ACYP2: variants seen among roughly 807,000 people sequenced by gnomAD.
The protein encoded by ACYP2 is acylphosphatase 2.
Under a neutral mutation model 11.2 loss-of-function variants are expected in ACYP2, and 12 were observed. The observed-to-expected ratio is 1.08, with a 90% CI of 0.69 to 1.74. The LOEUF (loss-of-function observed/expected upper bound fraction) is 1.74, where lower values mean the gene tolerates loss of function less well. Ranked by LOEUF, ACYP2 falls within the 40% of genes most tolerant of loss-of-function variation. ACYP2 has a pLI of 0.00. For synonymous variants in ACYP2, 43 were observed against 32.2 expected (o/e 1.33, Z -1.13); for missense variants, 134 against 101.9 (o/e 1.31, Z -1.35).
chr2:54,171,366 G>C (rs1474250855), intron 6 of ACYP2, among the ~76,000 whole-genome samples: 1 of 152,138 alleles, frequency 6.6e-6, no homozygotes, highest in Non-Finnish European at 1.5e-5. Context: ...GGGGCGAGCT[G>C]TTACCCATCC....
intron 2 of ACYP2, among the ~76,000 whole-genome samples, chr2:54,027,438 A>C (rs959387533): frequency 1.3e-5 from 2 of 152,138 alleles, no homozygotes; most frequent in Non-Finnish European, 2.9e-5. Context: ...AAACGAGCCT[A>C]ATTCCTCCCA....
chr2:54,045,281 T>G (rs926953253), intron 2 of ACYP2, among the ~76,000 whole-genome samples: 3 of 152,136 alleles, frequency 2.0e-5, no homozygotes, highest in Admixed American at 6.5e-5. Context: ...CAGCCTACAA[T>G]TCCTTGGGGA....
In ACYP2 at chr2:54,299,894, C is replaced by G. The variant is rs541942185; in HGVS notation, c.405-4794C>G. ...GTTTGCAGGTCCCTGGCCATCTAGA[C>G]TAACTTTAAGGGTCCTCAATGCTCT... On this transcript the variant is annotated intron_variant, in intron 6 of 6. Transcript: ENST00000607452. Among the ~76,000 whole-genome samples the G allele has an allele frequency of 2.0e-5, 3 of 152,342 alleles. No homozygotes were observed. The South Asian group carries it at 6.2e-4, about 32-fold the overall frequency.
intron 4 of ACYP2, among the ~76,000 whole-genome samples, chr2:54,131,011 A>C (rs1680869008): frequency 2.0e-5 from 3 of 152,262 alleles, no homozygotes; most frequent in Admixed American, 1.3e-4. Context: ...CCATTATTTT[A>C]ATTGCCATAT....
chr2:54,003,498 G>A (rs544636886), intron 2 of ACYP2, among the ~76,000 whole-genome samples: 52 of 152,238 alleles, frequency 3.4e-4, no homozygotes, highest in African/African-American at 1.2e-3. Flanking sequence ...GACCTCCAGT[G>A]ATCCGCCCAC....
At chr2:54,255,176 T>G in intron 6 of ACYP2, 1 of 1,613,858 alleles carries the variant, frequency 6.2e-7, no homozygotes, top group Non-Finnish European at 8.5e-7. Context: ...ATGATTAGAG[T>G]GGAAAAAGAC....
intron 2 of ACYP2, among the ~76,000 whole-genome samples, chr2:54,011,735 G>A (rs1268961115): frequency 1.5e-5 from 1 of 68,956 alleles, no homozygotes; most frequent in Admixed American, 1.3e-4. Context: ...CTTTTTTGGT[G>A]TATTTTTTTT....
chr2:54,147,339 A>T (rs555257858), intron 6 of ACYP2, among the ~76,000 whole-genome samples: 1 of 152,056 alleles, frequency 6.6e-6, no homozygotes, highest in Non-Finnish European at 1.5e-5. Flanking sequence ...GGGAACTGGC[A>T]TTTTTGTTAG....
chr2:54,109,448 A>G (rs1057162954), intron 4 of ACYP2, among the ~76,000 whole-genome samples: 2 of 152,148 alleles, frequency 1.3e-5, no homozygotes, highest in African/African-American at 2.4e-5. Context: ...AAAACTGCAT[A>G]TTGGGTACAG....
intron 4 of ACYP2, among the ~76,000 whole-genome samples, chr2:54,131,898 A>G (rs1180673833): frequency 6.6e-6 from 1 of 152,138 alleles, no homozygotes; most frequent in South Asian, 2.1e-4. Flanking sequence ...TCCTTGGAGG[A>G]GGGGCCCAAG....
chr2:54,080,813 A>T (rs959645004), intron 4 of ACYP2, among the ~76,000 whole-genome samples: 12 of 151,188 alleles, frequency 7.9e-5, no homozygotes, highest in African/African-American at 2.9e-4. Flanking sequence ...TTTAATAGAG[A>T]CAAGGTCTCA....
At chr2:54,075,324 C>G (rs1047687806) in intron 4 of ACYP2, among the ~76,000 whole-genome samples, 1 of 152,020 alleles carries the variant, frequency 6.6e-6, no homozygotes. Flanking sequence ...CATGGTGAAA[C>G]CCCGTTTCTA....
chr2:54,091,550 G>A (rs1276035618), intron 4 of ACYP2, among the ~76,000 whole-genome samples: 2 of 151,120 alleles, frequency 1.3e-5, no homozygotes, highest in East Asian at 3.9e-4. Flanking sequence ...GTCTCACTCT[G>A]TCACCCAGGC....
chr2:54,100,054 A>G (rs560170084), intron 4 of ACYP2, among the ~76,000 whole-genome samples: 68 of 152,260 alleles, frequency 4.5e-4, no homozygotes, highest in African/African-American at 1.6e-3. Context: ...ACTTCTGTTA[A>G]ATGCAAATTT....
intron 4 of ACYP2, among the ~76,000 whole-genome samples, chr2:54,124,946 G>A (rs752261811): frequency 7.9e-5 from 12 of 152,070 alleles, no homozygotes; most frequent in Non-Finnish European, 1.3e-4. Context: ...TAGAGATGGG[G>A]TTTCACCATG....
At chr2:54,294,529 T>C (rs1689441284) in intron 6 of ACYP2, among the ~76,000 whole-genome samples, 2 of 152,064 alleles carry the variant, frequency 1.3e-5, no homozygotes, top group Admixed American at 1.3e-4. Flanking sequence ...CCCCCAACCA[T>C]TGCCTTGCTT....
intron 6 of ACYP2, among the ~76,000 whole-genome samples, chr2:54,294,598 G>A (rs979803211): frequency 6.6e-6 from 1 of 152,070 alleles, no homozygotes; most frequent in Non-Finnish European, 1.5e-5. Flanking sequence ...GATTATGTTG[G>A]AAGAAAGGTT....
At chr2:54,292,921 G>C (rs778877361) in intron 6 of ACYP2, among the ~76,000 whole-genome samples, 1 of 152,112 alleles carries the variant, frequency 6.6e-6, no homozygotes, top group African/African-American at 2.4e-5. Context: ...CAATTATTTT[G>C]TAAGTACCTA....
chr2:54,040,029 T>C (rs879465927), intron 2 of ACYP2, among the ~76,000 whole-genome samples: 1 of 152,144 alleles, frequency 6.6e-6, no homozygotes, highest in Non-Finnish European at 1.5e-5. Flanking sequence ...CCCAGGCTTC[T>C]GTGTTGAGAA....
Sources: gnomAD v4.1 joint callset for allele counts (sites outside exome capture counted in the v4.1 genomes callset) on GRCh38, gnomAD v4.1.1 for gene constraint, MANE v1.5 for transcripts, NCBI Gene and HGNC (gene_info 2026-07-23, HGNC 2026-07-21) for gene names.